Variants in ARL13B observed in about 807,000 individuals in gnomAD.
ARL13B encodes ARF like GTPase 13B.
A neutral mutation model predicts 56.1 loss-of-function variants in ARL13B; 36 were observed. That is an observed-to-expected ratio of 0.64 (90% confidence interval 0.49 to 0.85). The LOEUF (loss-of-function observed/expected upper bound fraction) is 0.85. Among genes scored for constraint, ARL13B ranks in the 40% least tolerant of loss-of-function variants. The pLI, the probability that ARL13B is intolerant of heterozygous loss-of-function variation, is 0.00. For missense variants in ARL13B, 519 were observed against 507.1 expected, an observed-to-expected ratio of 1.02 and a Z score of -0.23; for synonymous variants, 178 against 171.1, an observed-to-expected ratio of 1.04 and a Z score of -0.32.
In ARL13B at chr3:94,054,610, A is replaced by G. The variant is rs982039156; in HGVS notation, c.*1347A>G. 3.4e-5 allele frequency: 13 copies of G among 378,798 alleles called. No individual in the cohort carries two copies. The highest frequency in any genetic ancestry group is 1.7e-3 in the Middle Eastern group (2 of 1,162). The allele number at this position is 378,798 out of a possible 1,614,324, so 23.5% of individuals were successfully genotyped here. A position where few individuals can be genotyped will look rare whatever the true frequency, so the allele number is the denominator to read the frequency against. On this transcript the variant is annotated 3_prime_UTR_variant, in exon 10 of 10. Coordinates refer to ENST00000394222, the MANE Select transcript of ARL13B (RefSeq NM_001174150.2). ...GCTAGTATCTGATAACATTAAGTAC[A>G]TTTTATGTCGTTTAATATAATTATT... is the stretch of plus-strand genomic sequence containing the variant.
chr3:94,042,678 A>G (rs2076883025), intron 6 of ARL13B, among the ~76,000 whole-genome samples: 1 of 152,156 alleles, frequency 6.6e-6, no homozygotes. Flanking sequence ...TCTGTACATG[A>G]TATAGGTATG....
intron 3 of ARL13B, chr3:94,014,431 C>T (rs2076284040): frequency 1.3e-6 from 2 of 1,588,142 alleles, no homozygotes; most frequent in East Asian, 4.5e-5. Flanking sequence ...CAGTACTCTG[C>T]AAGGATTTCT....
rs138690691 is a variant in ARL13B at position 94,031,064 on chromosome 3, C to T, written c.381-4267C>T. Reference sequence around the variant, plus strand: ...AACACTAGCTGGGCATAGTGGTATGCGCCTGTAGTCCCAGCTACTTGAGAG... The same window carrying T: ...AACACTAGCTGGGCATAGTGGTATGTGCCTGTAGTCCCAGCTACTTGAGAG... On this transcript the variant is annotated intron_variant, in intron 3 of 9. Transcript: ENST00000394222. Among the ~76,000 whole-genome samples, 1,347 of 152,142 alleles carry T rather than the reference C, an allele frequency of 8.9e-3. 7 individuals carry two copies. Among genetic ancestry groups the T allele is most frequent in the Non-Finnish European group, 0.013 (880 of 67,986 alleles).
At chr3:94,009,078 T>A (rs186683281) in intron 3 of ARL13B, among the ~76,000 whole-genome samples, 3 of 121,320 alleles carry the variant, frequency 2.5e-5, no homozygotes, top group African/African-American at 8.2e-5. Flanking sequence ...GCAGTAAAGA[T>A]AGATAGATAG....
Position 94,053,796 on chromosome 3 carries a change from T to A in ARL13B, c.*533T>A, listed in dbSNP as rs1471893729. On this transcript the variant is annotated 3_prime_UTR_variant, in exon 10 of 10. Transcript: ENST00000394222. ...ATAGATGATTTGTTTAAATTATATCTGGAAAATAGAGTTGATTTACTTTCA... is the reference window on the plus strand; with the variant it reads ...ATAGATGATTTGTTTAAATTATATCAGGAAAATAGAGTTGATTTACTTTCA... 3.4e-6 allele frequency: 1 copy of A among 292,446 alleles called. No individual in the cohort carries two copies. The highest frequency in any genetic ancestry group is 6.6e-6 in the Non-Finnish European group (1 of 151,188). 18.1% of individuals were successfully genotyped at this position (292,446 alleles called of 1,614,324 possible).
intron 3 of ARL13B, among the ~76,000 whole-genome samples, chr3:94,021,040 A>T (rs2076437031): frequency 6.6e-6 from 1 of 152,012 alleles, no homozygotes; most frequent in Non-Finnish European, 1.5e-5. Context: ...AGATCCAAGG[A>T]AAAAAATGAG....
At chr3:93,997,983 CA>C (rs1046246728) in intron 2 of ARL13B, among the ~76,000 whole-genome samples, 14 of 149,176 alleles carry the variant, frequency 9.4e-5, no homozygotes, top group Non-Finnish European at 1.3e-4. Context: ...GACTCCGTCT[CA>C]AAAAAAAAGA....
At chr3:94,039,746 G>T (rs2076830373) in intron 5 of ARL13B, 134 bp from the exon 6 acceptor site, 1 of 708,670 alleles carries the variant, frequency 1.4e-6, no homozygotes, top group East Asian at 2.8e-5. Flanking sequence ...TTTTTGAAAT[G>T]CTCTCAGTAA....
chr3:93,980,762 G>GT (rs1559961502), intron 1 of ARL13B, among the ~76,000 whole-genome samples: 16 of 142,536 alleles, frequency 1.1e-4, no homozygotes, highest in African/African-American at 3.7e-4. Flanking sequence ...TGTGTGTGTG[G>GT]AATTGAAAAC....
Position 94,003,742 on chromosome 3 carries a change from T to C in ARL13B, c.214T>C (p.Leu72=). Residue 72 remains leucine (L), a synonymous_variant, in exon 3 of 10, where the codon TTG becomes CTG. Transcript: ENST00000394222. ...QGKFEVTIFD[L]GGGIRIRGIW... ...AAAGTTTGAAGTCACCATCTTTGAC[T>C]TGGGAGGTGGAATAAGAATTCGGGG... 3 of 1,613,712 alleles carry C rather than the reference T, an allele frequency of 1.9e-6. No individual in the cohort carries two copies. The highest frequency in any genetic ancestry group is 1.1e-5 in the South Asian group (1 of 91,060).
At chr3:93,995,618 C>T (rs948393761) in intron 1 of ARL13B, among the ~76,000 whole-genome samples, 5 of 152,144 alleles carry the variant, frequency 3.3e-5, no homozygotes, top group African/African-American at 1.2e-4. Flanking sequence ...CCCTTATTCT[C>T]TGTCCTTTGG....
intron 3 of ARL13B, among the ~76,000 whole-genome samples, chr3:94,032,488 T>C (rs1449738333): frequency 2.6e-5 from 4 of 152,128 alleles, no homozygotes; most frequent in African/African-American, 9.6e-5. Flanking sequence ...GAAAACAGTA[T>C]GGAGATTTCT....
At chr3:94,044,366 G>C (rs1262179355) in intron 7 of ARL13B, among the ~76,000 whole-genome samples, 4 of 145,930 alleles carry the variant, frequency 2.7e-5, no homozygotes, top group Non-Finnish European at 6.0e-5. Context: ...GATGTGAGGA[G>C]CGTCTCTGCC....
chr3:94,053,556 A>G lies in ARL13B; in HGVS notation c.*293A>G. ...ATCCCCACTCATGAGCATACTTCTGAAGGAAAACTTTACAAAAAGAGCCAA... is the reference window on the plus strand; with the variant it reads ...ATCCCCACTCATGAGCATACTTCTGGAGGAAAACTTTACAAAAAGAGCCAA... On this transcript the variant is annotated 3_prime_UTR_variant, in exon 10 of 10. Coordinates refer to ENST00000394222, the MANE Select transcript of ARL13B (RefSeq NM_001174150.2). The G allele has an allele frequency of 1.8e-6, 1 of 547,242 alleles. No homozygotes were observed. Among genetic ancestry groups the G allele is most frequent in the Middle Eastern group, 5.2e-4 (1 of 1,914 alleles). 33.9% of individuals were successfully genotyped at this position (547,242 alleles called of 1,614,324 possible).
chr3:93,993,850 C>A (rs1486676781), intron 1 of ARL13B, among the ~76,000 whole-genome samples: 1 of 152,104 alleles, frequency 6.6e-6, no homozygotes, highest in Non-Finnish European at 1.5e-5. Flanking sequence ...AGACCTTGCC[C>A]ACTACCTCTT....
At position 94,043,101 on chromosome 3, in the gene ARL13B, T is replaced by C. The variant is rs368597671; in HGVS notation, c.885T>C (p.His295=). The C allele has an allele frequency of 1.2e-6, 2 of 1,613,484 alleles. No homozygotes were observed. The highest frequency in any genetic ancestry group is 1.7e-6 in the Non-Finnish European group (2 of 1,179,882). ...GCCACCTGAAACATAAAATGGAGCA[T>C]GAGCAAATAGAGACACAAGGCCAGG... The part of the protein sequence containing the change: ...DGCHLKHKME[H]EQIETQGQVN... Residue 295 remains histidine (H), a synonymous_variant, in exon 7 of 10, where the codon CAT becomes CAC. Coordinates refer to ENST00000394222, the MANE Select transcript of ARL13B (RefSeq NM_001174150.2).
At chr3:94,023,794 T>C (rs944602785) in intron 3 of ARL13B, among the ~76,000 whole-genome samples, 1 of 152,150 alleles carries the variant, frequency 6.6e-6, no homozygotes, top group African/African-American at 2.4e-5. Flanking sequence ...TACTGTATTA[T>C]GTTACTAATA....
At chr3:94,021,509 A>G (rs1367888023) in intron 3 of ARL13B, among the ~76,000 whole-genome samples, 1 of 152,138 alleles carries the variant, frequency 6.6e-6, no homozygotes, top group Non-Finnish European at 1.5e-5. Flanking sequence ...ATTGTATAAA[A>G]TATTTGATGC....
intron 1 of ARL13B, among the ~76,000 whole-genome samples, chr3:93,981,865 CAAAAAA>C (rs11396818): frequency 8.2e-4 from 56 of 68,398 alleles, no homozygotes; most frequent in Admixed American, 7.4e-3. Flanking sequence ...AACCCTGTCT[CAAAAAA>C]AAAAAAAAAA....
Sources: allele counts gnomAD v4.1 joint callset (sites outside exome capture counted in the v4.1 genomes callset), GRCh38; gene constraint gnomAD v4.1.1; transcripts MANE v1.5; gene names NCBI Gene and HGNC (gene_info 2026-07-23, HGNC 2026-07-21).